The following ENTREP2 variants were observed in gnomAD, a reference collection of about 807,000 sequenced individuals.
ENTREP2 encodes the protein endosomal transmembrane epsin interactor 2.
At chr15:29,462,657 A>G in the ENTREP2 span, among the ~76,000 whole-genome samples, 2 of 152,080 alleles carry the variant, frequency 1.3e-5, no homozygotes, top group Non-Finnish European at 2.9e-5. Flanking sequence ...CTCAAGATGA[A>G]AAGTGGTGGC....
the ENTREP2 span, among the ~76,000 whole-genome samples, chr15:29,221,280 C>A: frequency 9.2e-5 from 14 of 152,018 alleles, no homozygotes; most frequent in East Asian, 1.9e-3. Flanking sequence ...TGGCTCACTG[C>A]AACCTCTGCC....
At chr15:29,269,015 G>T in the ENTREP2 span, 1 of 1,614,122 alleles carries the variant, frequency 6.2e-7, no homozygotes, top group Non-Finnish European at 8.5e-7. Flanking sequence ...TCCAGGTAAC[G>T]CTGTCGCACA....
At chr15:29,570,540 C>T in the ENTREP2 span, 1 of 1,459,846 alleles carries the variant, frequency 6.9e-7, no homozygotes, top group South Asian at 1.3e-5. Context: ...GAGTGGCGGA[C>T]GCGGGCCGAG....
chr15:29,322,490 A>T, the ENTREP2 span, among the ~76,000 whole-genome samples: 2 of 152,232 alleles, frequency 1.3e-5, no homozygotes, highest in Non-Finnish European at 2.9e-5. Flanking sequence ...GTAATATGAA[A>T]GAAAAATAAA....
chr15:29,324,093 C>T, the ENTREP2 span, among the ~76,000 whole-genome samples: 1 of 140,186 alleles, frequency 7.1e-6, no homozygotes, highest in African/African-American at 3.0e-5. Flanking sequence ...AAAAATGTTA[C>T]AAACATAGTA....
chr15:29,126,350 C>G, the ENTREP2 span: 5 of 1,538,068 alleles, frequency 3.3e-6, no homozygotes, highest in Middle Eastern at 1.9e-4. Flanking sequence ...TGAGCCCATG[C>G]CAGGATCCTC....
chr15:29,129,527 G>T, the ENTREP2 span, among the ~76,000 whole-genome samples: 4 of 152,176 alleles, frequency 2.6e-5, no homozygotes, highest in Non-Finnish European at 4.4e-5. Flanking sequence ...CCATGGCCCA[G>T]GCTGGAGTCC....
the ENTREP2 span, among the ~76,000 whole-genome samples, chr15:29,478,029 T>A: frequency 3.9e-5 from 5 of 127,364 alleles, no homozygotes; most frequent in African/African-American, 1.6e-4. Flanking sequence ...ATTTTTTTTT[T>A]TTTTTTTTTT....
At chr15:29,214,652 C>T in the ENTREP2 span, among the ~76,000 whole-genome samples, 1 of 148,238 alleles carries the variant, frequency 6.7e-6, no homozygotes, top group African/African-American at 2.5e-5. Flanking sequence ...CAAACCAGCA[C>T]GTTGTGCACA....
chr15:29,186,207 T>A, the ENTREP2 span, among the ~76,000 whole-genome samples: 1 of 152,230 alleles, frequency 6.6e-6, no homozygotes, highest in Admixed American at 6.5e-5. Flanking sequence ...CCTGAGATCC[T>A]GACACCCAGC....
chr15:29,299,927 GAGT>G, the ENTREP2 span, among the ~76,000 whole-genome samples: 21,226 of 146,028 alleles, frequency 0.15, 2,545 homozygotes, highest in African/African-American at 0.35. Flanking sequence ...GTGAATGGAT[GAGT>G]AGGTGGGTGG....
chr15:29,134,694 G>A, the ENTREP2 span, among the ~76,000 whole-genome samples: 4 of 152,204 alleles, frequency 2.6e-5, no homozygotes, highest in Non-Finnish European at 5.9e-5. Context: ...TGTCGGAAGG[G>A]CTTGTGAGCT....
At chr15:29,247,240 G>T in the ENTREP2 span, among the ~76,000 whole-genome samples, 1 of 152,164 alleles carries the variant, frequency 6.6e-6, no homozygotes, top group Non-Finnish European at 1.5e-5. Flanking sequence ...AGCATACACT[G>T]TATGTTCTGG....
At chr15:29,357,604 G>A in the ENTREP2 span, among the ~76,000 whole-genome samples, 2 of 152,102 alleles carry the variant, frequency 1.3e-5, no homozygotes, top group Admixed American at 1.3e-4. Context: ...TTGGGAGGCC[G>A]AGGCGGGCAG....
the ENTREP2 span, among the ~76,000 whole-genome samples, chr15:29,584,524 T>C: frequency 6.6e-6 from 1 of 152,008 alleles, no homozygotes; most frequent in African/African-American, 2.4e-5. Flanking sequence ...CAACAACATA[T>C]ATGAACACAG....
chr15:29,313,654 G>A, the ENTREP2 span, among the ~76,000 whole-genome samples: 2 of 152,102 alleles, frequency 1.3e-5, no homozygotes, highest in Admixed American at 6.5e-5. Flanking sequence ...ATACACCTAA[G>A]AGCCCTGATG....
At chr15:29,599,949 T>G in the ENTREP2 span, among the ~76,000 whole-genome samples, 1 of 152,240 alleles carries the variant, frequency 6.6e-6, no homozygotes, top group East Asian at 1.9e-4. Flanking sequence ...CTCTATGTTT[T>G]TTTTATTAAA....
the ENTREP2 span, among the ~76,000 whole-genome samples, chr15:29,657,483 C>CAGGGCGGGGCGG: frequency 1.4e-5 from 1 of 69,382 alleles, no homozygotes; most frequent in East Asian, 3.8e-4. Flanking sequence ...GCTGGGGGGG[C>CAGGGCGGGGCGG]GGGGGGGGGG....
chr15:29,334,727 C>A, the ENTREP2 span, among the ~76,000 whole-genome samples: 1 of 152,124 alleles, frequency 6.6e-6, no homozygotes, highest in African/African-American at 2.4e-5. Context: ...CGTGATCCAG[C>A]GAATGTGACA....
Sources: gnomAD v4.1 joint callset for allele counts (sites outside exome capture counted in the v4.1 genomes callset) on GRCh38, gnomAD v4.1.1 for gene constraint, MANE v1.5 for transcripts, NCBI Gene and HGNC (gene_info 2026-07-23, HGNC 2026-07-21) for gene names.